The following COL4A1 variants were observed in gnomAD, a reference collection of about 807,000 sequenced individuals.
The protein encoded by COL4A1 is collagen type IV alpha 1 chain, also known as collagen alpha-1(IV) chain.
In COL4A1, 40 loss-of-function variants were observed where a neutral mutation model predicts 216.6. The ratio of observed to expected loss-of-function variants is 0.18; its 90% CI spans 0.14 to 0.24. COL4A1 has a LOEUF of 0.24. Ranked by LOEUF, COL4A1 falls within the 10% of genes least tolerant of loss-of-function variation. The probability of loss-of-function intolerance (pLI) is 1.00; values close to 1 mark genes in which losing one functional copy is unlikely to be tolerated. For missense variants in COL4A1, 1,628 were observed against 2,196.8 expected (o/e 0.74, Z 5.18); for synonymous variants, 839 against 810.7 (o/e 1.03, Z -0.59).
At chr13:110,286,708 C>T (rs781676193) in intron 1 of COL4A1, among the ~76,000 whole-genome samples, 32 of 152,170 alleles carry the variant, frequency 2.1e-4, no homozygotes, top group Non-Finnish European at 4.0e-4. Flanking sequence ...CCATGAGCCC[C>T]GGCTCTGCAG....
At chr13:110,165,744 G>A (rs1291831619) in intron 45 of COL4A1, among the ~76,000 whole-genome samples, 1 of 152,160 alleles carries the variant, frequency 6.6e-6, no homozygotes, top group Admixed American at 6.5e-5. Flanking sequence ...TGAATACTGT[G>A]CTTAAACCAT....
At chr13:110,199,784 C>T (rs1879091406) in intron 20 of COL4A1, among the ~76,000 whole-genome samples, 1 of 152,158 alleles carries the variant, frequency 6.6e-6, no homozygotes, top group African/African-American at 2.4e-5. Context: ...GTTAAGAGAC[C>T]ACTAAGGGTT....
intron 1 of COL4A1, among the ~76,000 whole-genome samples, chr13:110,279,578 T>C (rs1883549288): frequency 6.6e-6 from 1 of 152,158 alleles, no homozygotes; most frequent in Non-Finnish European, 1.5e-5. Context: ...ACATATAGAT[T>C]ATAGGAGGAA....
intron 2 of COL4A1, among the ~76,000 whole-genome samples, chr13:110,231,418 G>A (rs148872062): frequency 2.1e-4 from 32 of 152,312 alleles, no homozygotes; most frequent in East Asian, 1.2e-3. Context: ...ATGGGCCACC[G>A]CACCTGAGCG....
chr13:110,183,637 T>C (rs1335240664), intron 26 of COL4A1, among the ~76,000 whole-genome samples: 1 of 152,208 alleles, frequency 6.6e-6, no homozygotes, highest in Non-Finnish European at 1.5e-5. Flanking sequence ...TCAAAATACT[T>C]TTGCTGTTCT....
intron 1 of COL4A1, among the ~76,000 whole-genome samples, chr13:110,286,349 A>G (rs1365693507): frequency 6.6e-6 from 1 of 152,176 alleles, no homozygotes; most frequent in Admixed American, 6.5e-5. Flanking sequence ...GGCTGCAGGC[A>G]GAGTAGGAGG....
At chr13:110,216,326 C>T (rs1008186208) in intron 2 of COL4A1, among the ~76,000 whole-genome samples, 2 of 152,194 alleles carry the variant, frequency 1.3e-5, no homozygotes, top group Admixed American at 6.5e-5. Flanking sequence ...TAAGGAGTTA[C>T]AGTGCACAAG....
At chr13:110,230,200 C>A (rs80218066) in intron 2 of COL4A1, among the ~76,000 whole-genome samples, 80 of 151,690 alleles carry the variant, frequency 5.3e-4, no homozygotes, top group Non-Finnish European at 1.1e-3. Context: ...TGGGTGTGCA[C>A]GGTGTGTGTT....
chr13:110,179,101 C>T, intron 30 of COL4A1, 65 bp from the exon 31 acceptor site: 1 of 1,545,792 alleles, frequency 6.5e-7, no homozygotes, highest in Non-Finnish European at 8.9e-7. Context: ...CCTAGGAGAC[C>T]CATGCACACG....
intron 1 of COL4A1, chr13:110,306,080 A>C (rs1490383845): frequency 6.6e-6 from 1 of 152,200 alleles, no homozygotes; most frequent in Non-Finnish European, 1.5e-5. Context: ...TCGGAGGGGA[A>C]GGAAAAAAGG....
chr13:110,296,563 C>T (rs1884283671), intron 1 of COL4A1, among the ~76,000 whole-genome samples: 1 of 152,224 alleles, frequency 6.6e-6, no homozygotes, highest in South Asian at 2.1e-4. Flanking sequence ...CAACAAGCTT[C>T]TGACACCGGC....
At chr13:110,182,186 AG>A (rs1878192331) in intron 28 of COL4A1, among the ~76,000 whole-genome samples, 2 of 152,186 alleles carry the variant, frequency 1.3e-5, no homozygotes, top group African/African-American at 4.8e-5. Flanking sequence ...CTGCCCGCCC[AG>A]CCTGAGGGAA....
intron 1 of COL4A1, among the ~76,000 whole-genome samples, chr13:110,288,274 A>T (rs9521682): frequency 0.55 from 75,848 of 139,092 alleles, 20,835 homozygotes; most frequent in East Asian, 0.85. Context: ...AAAAAAAAAA[A>T]AATAATAATA....
chr13:110,279,247 A>C (rs2139298134), intron 1 of COL4A1, among the ~76,000 whole-genome samples: 1 of 152,088 alleles, frequency 6.6e-6, no homozygotes, highest in African/African-American at 2.4e-5. Flanking sequence ...TTTGCTTCTT[A>C]TGACACATAC....
chr13:110,155,367 C>G lies in COL4A1; in HGVS notation c.4671G>C (p.Val1557=). ...GAATGGTCTGGCTGTGCACGGCCAT[C>G]ACCATGGCAGGCGCCTCACACACAG... is the stretch of plus-strand genomic sequence containing the variant. ...RCAVCEAPAM[V]MAVHSQTIQI... Residue 1557 remains valine (V), a synonymous_variant, in exon 50 of 52, where the codon GTG becomes GTC. Coordinates refer to ENST00000375820, the MANE Select transcript of COL4A1 (RefSeq NM_001845.6). The G allele has an allele frequency of 6.2e-7, 1 of 1,614,140 alleles. No homozygotes were observed. Among genetic ancestry groups the G allele is most frequent in the Middle Eastern group, 1.6e-4 (1 of 6,062 alleles).
chr13:110,228,245 G>GC (rs1880841498), intron 2 of COL4A1, among the ~76,000 whole-genome samples: 1 of 148,028 alleles, frequency 6.8e-6, no homozygotes, highest in Non-Finnish European at 1.5e-5. Context: ...GGCGGGGGGG[G>GC]GGTCTACATC....
chr13:110,179,123 C>G, intron 30 of COL4A1, 87 bp from the exon 31 acceptor site: 3 of 1,528,584 alleles, frequency 2.0e-6, no homozygotes, highest in Non-Finnish European at 1.8e-6. Flanking sequence ...ATGGCCCCAG[C>G]AACGGAAAGC....
intron 29 of COL4A1, among the ~76,000 whole-genome samples, chr13:110,180,425 A>AC (rs1275426018): frequency 3.3e-5 from 5 of 151,496 alleles, no homozygotes; most frequent in Non-Finnish European, 7.4e-5. Flanking sequence ...TCCGGAAGAA[A>AC]CCCCCCTGGG....
At chr13:110,294,123 G>A (rs908263190) in intron 1 of COL4A1, among the ~76,000 whole-genome samples, 7 of 152,142 alleles carry the variant, frequency 4.6e-5, no homozygotes, top group South Asian at 2.1e-4. Context: ...TCTTGGTGCT[G>A]CCATACATTG....
Sources: allele counts gnomAD v4.1 joint callset (sites outside exome capture counted in the v4.1 genomes callset), GRCh38; gene constraint gnomAD v4.1.1; transcripts MANE v1.5; gene names NCBI Gene and HGNC (gene_info 2026-07-23, HGNC 2026-07-21).